EPC1: variants seen among roughly 807,000 people sequenced by gnomAD.
The protein encoded by EPC1 is enhancer of polycomb homolog 1.
A neutral mutation model predicts 98.4 loss-of-function variants in EPC1; 12 were observed. The ratio of observed to expected loss-of-function variants is 0.12; its 90% CI spans 0.08 to 0.20. The LOEUF is 0.20. Ranked by LOEUF, EPC1 falls within the 10% of genes least tolerant of loss-of-function variation. The probability of loss-of-function intolerance (pLI) is 1.00; values close to 1 mark genes in which losing one functional copy is unlikely to be tolerated. For missense variants in EPC1, 729 were observed against 990.5 expected (o/e 0.74, Z 3.54); for synonymous variants, 357 against 363.9 (o/e 0.98, Z 0.21).
intron 11 of EPC1, 69 bp from the exon 12 acceptor site, chr10:32,272,236 T>C: frequency 2.3e-6 from 3 of 1,307,872 alleles, no homozygotes; most frequent in Non-Finnish European, 3.1e-6. Context: ...AAACTACACA[T>C]GCATACCAAA....
intron 2 of EPC1, among the ~76,000 whole-genome samples, chr10:32,299,127 CTTT>C (rs1835344747): frequency 6.6e-6 from 1 of 152,122 alleles, no homozygotes; most frequent in South Asian, 2.1e-4. Context: ...CAGGCTCACT[CTTT>C]ATTTTTTCAT....
intron 2 of EPC1, among the ~76,000 whole-genome samples, chr10:32,301,147 T>C (rs746717965): frequency 6.6e-6 from 1 of 152,080 alleles, no homozygotes; most frequent in Non-Finnish European, 1.5e-5. Context: ...CGCAAATGCA[T>C]ATAAAAATAT....
intron 6 of EPC1, among the ~76,000 whole-genome samples, chr10:32,287,483 A>G (rs1487364670): frequency 6.6e-6 from 1 of 152,210 alleles, no homozygotes; most frequent in Non-Finnish European, 1.5e-5. Flanking sequence ...CAATCTAAAC[A>G]TAATCACACA....
rs568827920 is a variant in EPC1, at chr10:32,279,359, A to G, written c.1744+5339T>C. Among the ~76,000 whole-genome samples, 4 of 151,958 alleles carry G rather than the reference A, an allele frequency of 2.6e-5. No homozygotes were observed. In the South Asian group the frequency reaches 6.2e-4, roughly 24 times the overall value. On this transcript the variant is annotated intron_variant, in intron 10 of 13. Coordinates refer to ENST00000319778, the MANE Select transcript of EPC1 (RefSeq NM_001272004.3). ...TGAGACTCTGTCTTAAAAAAAAAAA[A>G]AAAAGAAAAAAAACTTATGAATTTT...
At chr10:32,366,685 G>C (rs1444411112) in intron 1 of EPC1, among the ~76,000 whole-genome samples, 2 of 107,144 alleles carry the variant, frequency 1.9e-5, no homozygotes, top group African/African-American at 6.3e-5. Context: ...ATATAAAAAA[G>C]CAAAATGACA....
At chr10:32,364,381 T>A (rs1839538426) in intron 1 of EPC1, among the ~76,000 whole-genome samples, 1 of 152,184 alleles carries the variant, frequency 6.6e-6, no homozygotes, top group Non-Finnish European at 1.5e-5. Flanking sequence ...AAAATTTTTT[T>A]AAGCCATGTG....
intron 2 of EPC1, among the ~76,000 whole-genome samples, chr10:32,296,812 CAGG>C (rs1003436725): frequency 6.6e-6 from 1 of 151,692 alleles, no homozygotes; most frequent in African/African-American, 2.4e-5. Context: ...GAGGTTGAGG[CAGG>C]AGAATTGCTT....
At chr10:32,289,468 T>C (rs74827762) in intron 6 of EPC1, among the ~76,000 whole-genome samples, 1 of 138,606 alleles carries the variant, frequency 7.2e-6, no homozygotes, top group Non-Finnish European at 1.6e-5. Context: ...ATTCTAACTG[T>C]GTGGCAGGTT....
Position 32,268,979 on chromosome 10 carries a change from C to T in EPC1, c.*84G>A. ...AGCTGCCACAGAAACGCATGTGCTGCTTTCCATCATCCCTTGCATTCAAAA... is the reference window on the plus strand; with the variant it reads ...AGCTGCCACAGAAACGCATGTGCTGTTTTCCATCATCCCTTGCATTCAAAA... On this transcript the variant is annotated 3_prime_UTR_variant, in exon 14 of 14. Transcript: ENST00000319778. 6.0e-6 allele frequency: 7 copies of T among 1,159,968 alleles called. No individual in the cohort carries two copies. The highest frequency in any genetic ancestry group is 7.7e-6 in the Non-Finnish European group (6 of 779,764). 71.9% of individuals were successfully genotyped at this position (1,159,968 alleles called of 1,614,324 possible).
At position 32,277,598 on chromosome 10, in the gene EPC1, T is replaced by C. The variant is rs547994383; in HGVS notation, c.1745-4317A>G. Among the ~76,000 whole-genome samples the C allele has an allele frequency of 5.3e-5, 8 of 152,262 alleles. No individual in the cohort carries two copies. In the South Asian group the frequency reaches 1.2e-3, roughly 24 times the overall value. ...TTTTTGAGACAGGGTCTCACTCTGT[T>C]GCCTAAGCTGGAGTGCAGTGGTGTG... On this transcript the variant is annotated intron_variant, in intron 10 of 13. Transcript: ENST00000319778.
chr10:32,320,528 T>A (rs1213858302), intron 1 of EPC1, among the ~76,000 whole-genome samples: 2 of 152,218 alleles, frequency 1.3e-5, no homozygotes, highest in South Asian at 2.1e-4. Context: ...AGATTTTATG[T>A]ATGCCAAAAT....
intron 1 of EPC1, chr10:32,345,099 A>G: frequency 2.1e-6 from 2 of 952,832 alleles, no homozygotes; most frequent in Non-Finnish European, 1.2e-6. Context: ...AATAAAACCA[A>G]AAGACAAGAT....
intron 1 of EPC1, among the ~76,000 whole-genome samples, chr10:32,327,309 G>A (rs1031758125): frequency 2.0e-5 from 3 of 152,154 alleles, no homozygotes; most frequent in African/African-American, 7.2e-5. Context: ...GGGATATCAG[G>A]AGGGACGGGA....
intron 10 of EPC1, among the ~76,000 whole-genome samples, chr10:32,279,473 G>A (rs1836287734): frequency 6.6e-6 from 1 of 152,032 alleles, no homozygotes; most frequent in African/African-American, 2.4e-5. Flanking sequence ...CTTTTCCACA[G>A]TAGGATTAAG....
In EPC1 at chr10:32,271,665, T is replaced by C. The variant is rs1835849996; in HGVS notation, c.2258A>G (p.His753Arg). Residue 753 changes from histidine to arginine, a missense_variant, in exon 13 of 14, where the codon CAT becomes CGT. Coordinates refer to ENST00000319778, the MANE Select transcript of EPC1 (RefSeq NM_001272004.3). ...VNSIAPINAR[H>R]IPRTLSAVPS... is the part of the protein sequence containing the mutation. Reference sequence around the variant, plus strand: ...AACAGCACTTAAAGTCCTAGGTATATGTCGTGCATTTATTGGGGCAATAGA... The same window carrying C: ...AACAGCACTTAAAGTCCTAGGTATACGTCGTGCATTTATTGGGGCAATAGA... The C allele has an allele frequency of 2.5e-5, 40 of 1,614,210 alleles. No homozygotes were observed. The highest frequency in any genetic ancestry group is 3.4e-5 in the Non-Finnish European group (40 of 1,180,036).
chr10:32,310,782 G>A (rs1836164435), intron 1 of EPC1, among the ~76,000 whole-genome samples: 2 of 152,042 alleles, frequency 1.3e-5, no homozygotes, highest in Admixed American at 1.3e-4. Context: ...GCTGAAGCAG[G>A]AGAATTGTTT....
chr10:32,301,043 TATCTATCTATCTATCTATCTATC>T (rs1564534246), intron 2 of EPC1, among the ~76,000 whole-genome samples: 4 of 103,020 alleles, frequency 3.9e-5, no homozygotes, highest in African/African-American at 1.6e-4. Flanking sequence ...CATTTATATC[TATCTATCTATCTATCTATCTATC>T]TATCTATCTA....
chr10:32,273,328 T>A, intron 10 of EPC1, 47 bp from the exon 11 acceptor site: 3 of 1,592,648 alleles, frequency 1.9e-6, no homozygotes, highest in Non-Finnish European at 2.6e-6. Context: ...CCAGCTGTCA[T>A]GTATGTCTTA....
chr10:32,338,211 T>C (rs577219251), intron 1 of EPC1, among the ~76,000 whole-genome samples: 15 of 152,154 alleles, frequency 9.9e-5, no homozygotes, highest in Non-Finnish European at 1.3e-4. Flanking sequence ...CACTCATCTA[T>C]CCAGCTGCTC....
Sources: gnomAD v4.1 joint callset for allele counts (sites outside exome capture counted in the v4.1 genomes callset) on GRCh38, gnomAD v4.1.1 for gene constraint, MANE v1.5 for transcripts, NCBI Gene and HGNC (gene_info 2026-07-23, HGNC 2026-07-21) for gene names.